Variants in KCNIP4 observed in about 807,000 individuals in gnomAD.
KCNIP4 encodes the protein potassium voltage-gated channel interacting protein 4.
A neutral mutation model predicts 34.0 loss-of-function variants in KCNIP4; 12 were observed. The observed-to-expected ratio is 0.35, with a 90% CI of 0.23 to 0.57. The LOEUF is 0.57. Ranked by LOEUF, KCNIP4 falls within the 20% of genes least tolerant of loss-of-function variation. The pLI, the probability that KCNIP4 is intolerant of heterozygous loss-of-function variation, is 0.83. For missense variants in KCNIP4, 238 were observed against 311.7 expected (o/e 0.76, Z 1.78); for synonymous variants, 124 against 102.2 (o/e 1.21, Z -1.29).
chr4:21,592,188 A>G (rs73254305), intron 1 of KCNIP4, among the ~76,000 whole-genome samples: 10,026 of 152,170 alleles, frequency 0.066, 477 homozygotes, highest in African/African-American at 0.13. Flanking sequence ...GGGAAAAATC[A>G]GCAAAGAGAT....
At chr4:21,397,812 C>T (rs189397081) in intron 1 of KCNIP4, among the ~76,000 whole-genome samples, 4 of 152,170 alleles carry the variant, frequency 2.6e-5, no homozygotes, top group South Asian at 2.1e-4. Flanking sequence ...TTCAATAGTT[C>T]GCTGCCCTTG....
intron 1 of KCNIP4, among the ~76,000 whole-genome samples, chr4:21,665,311 T>C (rs533247203): frequency 6.2e-4 from 94 of 152,288 alleles, no homozygotes; most frequent in African/African-American, 2.2e-3. Context: ...TGAACCTTTC[T>C]TTCTCTTTAA....
chr4:21,390,568 C>T lies in KCNIP4; in HGVS notation c.62-507859G>A, dbSNP rs913643084. Among the ~76,000 whole-genome samples, 9 of 152,176 alleles carry T rather than the reference C, an allele frequency of 5.9e-5. No individual in the cohort carries two copies. In the South Asian group the frequency reaches 1.2e-3, roughly 21 times the overall value. ...CATTTATTAAATAGGGAATCCTTTC[C>T]CCATTTCTTGTTTTTGTCAGGTTTG... On this transcript the variant is annotated intron_variant, in intron 1 of 8. Coordinates refer to ENST00000382152, the MANE Select transcript of KCNIP4 (RefSeq NM_025221.6).
At chr4:21,046,164 G>C (rs1236929454) in intron 1 of KCNIP4, among the ~76,000 whole-genome samples, 1 of 152,186 alleles carries the variant, frequency 6.6e-6, no homozygotes, top group Non-Finnish European at 1.5e-5. Flanking sequence ...AGAGTAATAT[G>C]ATGTGGCATT....
At chr4:21,217,454 T>C (rs558214322) in intron 1 of KCNIP4, among the ~76,000 whole-genome samples, 2 of 152,270 alleles carry the variant, frequency 1.3e-5, no homozygotes, top group South Asian at 2.1e-4. Context: ...CATTTGACCT[T>C]GATTTGAGAA....
At chr4:20,814,994 G>A (rs376875879) in intron 3 of KCNIP4, among the ~76,000 whole-genome samples, 4 of 151,060 alleles carry the variant, frequency 2.6e-5, no homozygotes, top group Non-Finnish European at 5.9e-5. Context: ...TCTCTCTCTC[G>A]CCCACACTAA....
rs144918934 is a variant in KCNIP4, at chr4:21,299,074, C to T, written c.62-416365G>A. On this transcript the variant is annotated intron_variant, in intron 1 of 8. Transcript: ENST00000382152. ...GGTCTAAGTTTTCTTATATCTAAAG[C>T]GTAAGTGATTACCTATCTCAAAGGA... Among the ~76,000 whole-genome samples the T allele has an allele frequency of 2.5e-3, 385 of 151,924 alleles. 3 individuals are homozygous for T. Among genetic ancestry groups the T allele is most frequent in the Admixed American group, 0.016 (239 of 15,252 alleles).
chr4:21,301,138 A>G (rs1560269455), intron 1 of KCNIP4, among the ~76,000 whole-genome samples: 1 of 152,172 alleles, frequency 6.6e-6, no homozygotes, highest in Non-Finnish European at 1.5e-5. Context: ...CCAAGACTCA[A>G]GGACCTAATC....
chr4:21,190,485 T>C (rs550643750), intron 1 of KCNIP4, among the ~76,000 whole-genome samples: 1 of 149,478 alleles, frequency 6.7e-6, no homozygotes, highest in South Asian at 2.1e-4. Flanking sequence ...CAACCTTTCA[T>C]TGTTTCTTTT....
At chr4:21,217,390 A>G (rs1232901828) in intron 1 of KCNIP4, among the ~76,000 whole-genome samples, 1 of 148,108 alleles carries the variant, frequency 6.8e-6, no homozygotes, top group Non-Finnish European at 1.5e-5. Flanking sequence ...GGGAGGAGAC[A>G]TGTGGGCAAA....
intron 1 of KCNIP4, among the ~76,000 whole-genome samples, chr4:21,905,747 G>C (rs529024287): frequency 1.3e-5 from 2 of 152,280 alleles, no homozygotes; most frequent in Admixed American, 1.3e-4. Context: ...AAAAGTGCAG[G>C]TGTCACAAAT....
intron 1 of KCNIP4, among the ~76,000 whole-genome samples, chr4:20,911,637 T>G (rs1043901338): frequency 1.3e-5 from 2 of 152,228 alleles, no homozygotes; most frequent in African/African-American, 4.8e-5. Flanking sequence ...CTTGATGACC[T>G]AGGTTGGCAG....
chr4:21,882,967 C>T (rs1726546229), intron 1 of KCNIP4, among the ~76,000 whole-genome samples: 1 of 151,996 alleles, frequency 6.6e-6, no homozygotes. Context: ...CCCTGAAATT[C>T]ACTTAAATTC....
At chr4:21,419,078 A>G (rs1044013149) in intron 1 of KCNIP4, among the ~76,000 whole-genome samples, 1 of 152,192 alleles carries the variant, frequency 6.6e-6, no homozygotes, top group Non-Finnish European at 1.5e-5. Flanking sequence ...ATAATGCACT[A>G]TGCATGGAAT....
At chr4:21,280,931 A>T (rs774366592) in intron 1 of KCNIP4, among the ~76,000 whole-genome samples, 1 of 152,152 alleles carries the variant, frequency 6.6e-6, no homozygotes, top group African/African-American at 2.4e-5. Flanking sequence ...TCCAGTCATT[A>T]TGTTGTTATT....
intron 1 of KCNIP4, among the ~76,000 whole-genome samples, chr4:21,435,755 T>A (rs1726887469): frequency 6.6e-6 from 1 of 152,184 alleles, no homozygotes; most frequent in African/African-American, 2.4e-5. Flanking sequence ...TCTCCTCCAC[T>A]AATTGAATTA....
chr4:21,290,814 G>C (rs1259383937), intron 1 of KCNIP4, among the ~76,000 whole-genome samples: 1 of 152,128 alleles, frequency 6.6e-6, no homozygotes, highest in Non-Finnish European at 1.5e-5. Context: ...GGTCAGGAAG[G>C]GAAGTTCATG....
intron 3 of KCNIP4, among the ~76,000 whole-genome samples, chr4:20,806,078 G>A (rs1487056733): frequency 6.6e-6 from 1 of 151,724 alleles, no homozygotes; most frequent in Non-Finnish European, 1.5e-5. Flanking sequence ...TTTCCTTTGG[G>A]GGGGCTTTCT....
In KCNIP4 at chr4:21,562,567, A is replaced by C. The variant is rs539217223; in HGVS notation, c.61+386004T>G. ...TTGGGAATTTCGTGGTAACTTGATG[A>C]CTTTTATTATCAGAACCAAATAAAG... On this transcript the variant is annotated intron_variant, in intron 1 of 8. Transcript: ENST00000382152. Among the ~76,000 whole-genome samples the C allele has an allele frequency of 5.9e-4, 90 of 152,210 alleles. 1 individual carries two copies. Among genetic ancestry groups the C allele is most frequent in the African/African-American group, 2.1e-3 (87 of 41,574 alleles).
Sources: gnomAD v4.1 joint callset for allele counts (sites outside exome capture counted in the v4.1 genomes callset) on GRCh38, gnomAD v4.1.1 for gene constraint, MANE v1.5 for transcripts, NCBI Gene and HGNC (gene_info 2026-07-23, HGNC 2026-07-21) for gene names.